The following OSBPL1A variants were observed in gnomAD, a reference collection of about 807,000 sequenced individuals.
OSBPL1A encodes the protein oxysterol-binding protein-related protein 1.
In OSBPL1A, 80 loss-of-function variants were observed where a neutral mutation model predicts 137.1. That is an observed-to-expected ratio of 0.58 (90% CI 0.49 to 0.70). The LOEUF is 0.70. OSBPL1A is among the 30% of genes least tolerant of loss of function. The probability of loss-of-function intolerance (pLI) is 0.00; values close to 1 mark genes in which losing one functional copy is unlikely to be tolerated. For missense variants in OSBPL1A, 970 were observed against 1,129.4 expected (o/e 0.86, Z 2.02); for synonymous variants, 365 against 389.7 (o/e 0.94, Z 0.75).
chr18:24,257,382 G>A (rs1400593833), intron 15 of OSBPL1A, among the ~76,000 whole-genome samples: 1 of 152,130 alleles, frequency 6.6e-6, no homozygotes, highest in Non-Finnish European at 1.5e-5. Context: ...TTGGAGAAAA[G>A]ACAGTCTCTT....
intron 13 of OSBPL1A, chr18:24,311,566 G>A: frequency 6.4e-6 from 6 of 932,676 alleles, no homozygotes; most frequent in Non-Finnish European, 7.7e-6. Context: ...ATTACAAGTG[G>A]TTTTAAAGGA....
At chr18:24,199,203 G>A (rs1456406212) in intron 17 of OSBPL1A, among the ~76,000 whole-genome samples, 1 of 152,034 alleles carries the variant, frequency 6.6e-6, no homozygotes, top group Non-Finnish European at 1.5e-5. Context: ...CACGCAGGAG[G>A]ACTGATCCGA....
intron 4 of OSBPL1A, among the ~76,000 whole-genome samples, chr18:24,354,057 T>TA (rs1333033123): frequency 6.6e-6 from 1 of 151,650 alleles, no homozygotes; most frequent in Non-Finnish European, 1.5e-5. Flanking sequence ...CCCTAAAACT[T>TA]AAAGTATAAT....
chr18:24,217,144 T>C (rs1323693232), intron 17 of OSBPL1A, among the ~76,000 whole-genome samples: 1 of 152,008 alleles, frequency 6.6e-6, no homozygotes, highest in African/African-American at 2.4e-5. Flanking sequence ...TTTAAACAAA[T>C]CCAACCCATG....
chr18:24,248,991 G>C (rs2088988514), intron 15 of OSBPL1A, among the ~76,000 whole-genome samples: 1 of 152,180 alleles, frequency 6.6e-6, no homozygotes, highest in Non-Finnish European at 1.5e-5. Context: ...CAAAAGTCGT[G>C]TTCACTCCCA....
chr18:24,291,087 CAACA>C (rs2090167339), intron 14 of OSBPL1A, among the ~76,000 whole-genome samples: 1 of 152,006 alleles, frequency 6.6e-6, no homozygotes, highest in South Asian at 2.1e-4. Context: ...AAATAAAACA[CAACA>C]AACAAAAAAA....
chr18:24,328,218 ATTTTTTTT>A (rs564798076), intron 7 of OSBPL1A, among the ~76,000 whole-genome samples: 1 of 48,598 alleles, frequency 2.1e-5, no homozygotes, highest in Non-Finnish European at 3.7e-5. Flanking sequence ...AATTTTTTGT[ATTTTTTTT>A]TTTTTTTTTT....
chr18:24,377,452 T>C lies in OSBPL1A; in HGVS notation c.82A>G (p.Met28Val). 2.5e-6 allele frequency: 4 copies of C among 1,611,050 alleles called. No homozygotes were observed. In the South Asian group the frequency reaches 4.5e-5, roughly 18 times the overall value. The change falls in exon 2 of 28, where the codon ATG (methionine) becomes GTG (valine). Residue 28 changes from methionine (M) to valine (V), a missense_variant. By Grantham distance (21) the Met-to-Val change is conservative (BLOSUM62 1). Around this residue, in one of 2 missense-constraint regions of OSBPL1A, gnomAD observed 647 missense variants for 672.6 expected, o/e 0.96. Coordinates refer to ENST00000319481, the MANE Select transcript of OSBPL1A (RefSeq NM_080597.4). Reference sequence around the variant, plus strand: ...TCAGCAATCACTTCATTCCTCGCCATGGTCTCTAATAGTTGTCTTACTTCT... The same window carrying C: ...TCAGCAATCACTTCATTCCTCGCCACGGTCTCTAATAGTTGTCTTACTTCT... ...AEEVRQLLET[M>V]ARNEVIADIN...
At chr18:24,358,403 G>C (rs1041635043) in intron 4 of OSBPL1A, 6 of 696,690 alleles carry the variant, frequency 8.6e-6, no homozygotes, top group Admixed American at 6.1e-5. Context: ...TACTTGACTT[G>C]TCCACTCCTG....
chr18:24,341,496 T>C (rs1377965048), intron 5 of OSBPL1A, 51 bp downstream of exon 5: 1 of 1,411,566 alleles, frequency 7.1e-7, no homozygotes, highest in Admixed American at 1.8e-5. Flanking sequence ...AGTCAGAACC[T>C]TGGTTATAAT....
At chr18:24,336,700 T>A (rs2091181462) in intron 5 of OSBPL1A, among the ~76,000 whole-genome samples, 1 of 152,222 alleles carries the variant, frequency 6.6e-6, no homozygotes, top group African/African-American at 2.4e-5. Flanking sequence ...TTAGTGAGGA[T>A]CTTAGAGGTC....
intron 1 of OSBPL1A, among the ~76,000 whole-genome samples, chr18:24,384,595 G>T (rs1906815848): frequency 1.4e-5 from 2 of 146,744 alleles, no homozygotes; most frequent in Admixed American, 6.8e-5. Flanking sequence ...AGGGCCGGGG[G>T]CGGGTGGCTC....
intron 2 of OSBPL1A, among the ~76,000 whole-genome samples, chr18:24,373,443 T>C (rs1209131675): frequency 1.3e-5 from 2 of 152,192 alleles, no homozygotes; most frequent in Non-Finnish European, 2.9e-5. Flanking sequence ...TACGTATTAA[T>C]ATTTATTTTA....
At chr18:24,375,181 G>C (rs111399815) in intron 2 of OSBPL1A, among the ~76,000 whole-genome samples, 1 of 151,866 alleles carries the variant, frequency 6.6e-6, no homozygotes, top group Non-Finnish European at 1.5e-5. Flanking sequence ...CAGGCGTGGT[G>C]GCATGTGCTT....
At chr18:24,236,180 G>A (rs952166152) in intron 16 of OSBPL1A, among the ~76,000 whole-genome samples, 2 of 152,180 alleles carry the variant, frequency 1.3e-5, no homozygotes, top group African/African-American at 2.4e-5. Context: ...ATCTATTGCA[G>A]TAGCAATAGC....
In OSBPL1A at chr18:24,195,224, T is replaced by C. The variant is rs571887427; in HGVS notation, c.1677+901A>G. 3.9e-5 allele frequency among the ~76,000 whole-genome samples: 6 copies of C among 151,930 alleles called. No homozygotes were observed. In the East Asian group the frequency reaches 1.2e-3, roughly 29 times the overall value. ...GCTGAGGTGGGCGGATAAATTGAGC[T>C]GGGGAGGTTGAGGCTACAGTGAGCC... On this transcript the variant is annotated intron_variant, in intron 18 of 27. Transcript: ENST00000319481.
intron 7 of OSBPL1A, among the ~76,000 whole-genome samples, chr18:24,323,118 G>A (rs1053356176): frequency 6.6e-6 from 1 of 151,904 alleles, no homozygotes; most frequent in African/African-American, 2.4e-5. Flanking sequence ...GGATGTCAAA[G>A]AAAATCCTTA....
intron 7 of OSBPL1A, among the ~76,000 whole-genome samples, chr18:24,328,091 G>C (rs2091012221): frequency 6.9e-6 from 1 of 145,642 alleles, no homozygotes; most frequent in Non-Finnish European, 1.5e-5. Flanking sequence ...ACCCAGGCTG[G>C]AGTGTAGTGG....
At chr18:24,229,993 G>A (rs940244204) in intron 16 of OSBPL1A, among the ~76,000 whole-genome samples, 17 of 152,094 alleles carry the variant, frequency 1.1e-4, no homozygotes, top group Non-Finnish European at 2.5e-4. Flanking sequence ...CAGGTGATCC[G>A]CCCACCTCGG....
Sources: allele counts gnomAD v4.1 joint callset (sites outside exome capture counted in the v4.1 genomes callset), GRCh38; gene constraint gnomAD v4.1.1; regional missense constraint gnomAD v4.1.1; transcripts MANE v1.5; gene names NCBI Gene and HGNC (gene_info 2026-07-23, HGNC 2026-07-21).